PLCB1: variants seen among roughly 807,000 people sequenced by gnomAD.
PLCB1 encodes the protein phospholipase C beta 1.
PLCB1 carries 46 observed loss-of-function variants against 161.8 expected under a neutral mutation model. The ratio of observed to expected loss-of-function variants is 0.28; its 90% CI spans 0.22 to 0.36. The LOEUF (loss-of-function observed/expected upper bound fraction) is 0.36. PLCB1 is among the 10% of genes least tolerant of loss of function. The pLI is 1.00. For missense variants in PLCB1, 1,016 were observed against 1,472.5 expected, an observed-to-expected ratio of 0.69 and a Z score of 5.07; for synonymous variants, 517 against 503.7, an observed-to-expected ratio of 1.03 and a Z score of -0.35.
chr20:8,677,033 A>G (rs4387877), intron 9 of PLCB1, among the ~76,000 whole-genome samples: 95,046 of 152,044 alleles, frequency 0.63, 30,890 homozygotes, highest in African/African-American at 0.81. Context: ...TGGAAATACA[A>G]TTGAGGAAAT....
At chr20:8,250,346 C>T (rs960584953) in intron 2 of PLCB1, among the ~76,000 whole-genome samples, 1 of 151,906 alleles carries the variant, frequency 6.6e-6, no homozygotes, top group Non-Finnish European at 1.5e-5. Context: ...ACTTAATAAT[C>T]ACATAACATA....
chr20:8,691,760 T>G (rs1205943957), intron 10 of PLCB1, among the ~76,000 whole-genome samples: 1 of 152,204 alleles, frequency 6.6e-6, no homozygotes, highest in Non-Finnish European at 1.5e-5. Flanking sequence ...TTGTTGAATA[T>G]CAAGATGCCC....
intron 9 of PLCB1, among the ~76,000 whole-genome samples, chr20:8,661,504 G>T (rs1455401419): frequency 1.3e-5 from 2 of 150,282 alleles, no homozygotes; most frequent in Non-Finnish European, 1.5e-5. Flanking sequence ...CTGGCTGGCT[G>T]TATTTGTAGC....
At chr20:8,247,100 C>T (rs1980914040) in intron 2 of PLCB1, among the ~76,000 whole-genome samples, 1 of 151,928 alleles carries the variant, frequency 6.6e-6, no homozygotes, top group African/African-American at 2.4e-5. Context: ...CTCAATATTA[C>T]CACACTTCCT....
At chr20:8,867,249 T>C (rs1358750435) in intron 31 of PLCB1, among the ~76,000 whole-genome samples, 2 of 152,128 alleles carry the variant, frequency 1.3e-5, no homozygotes, top group East Asian at 3.9e-4. Flanking sequence ...ATGAGGAGAC[T>C]CTGATCCAAG....
intron 3 of PLCB1, among the ~76,000 whole-genome samples, chr20:8,438,305 G>A (rs113955966): frequency 3.9e-4 from 60 of 152,202 alleles, no homozygotes; most frequent in African/African-American, 1.3e-3. Flanking sequence ...AATATTGAGG[G>A]AAAACCAAAA....
intron 9 of PLCB1, among the ~76,000 whole-genome samples, chr20:8,666,669 T>C (rs1329620580): frequency 6.6e-6 from 1 of 152,226 alleles, no homozygotes; most frequent in African/African-American, 2.4e-5. Flanking sequence ...ACCTAGGCAC[T>C]CCAACAGGAC....
chr20:8,443,325 C>T (rs566963085), intron 3 of PLCB1, among the ~76,000 whole-genome samples: 42 of 152,258 alleles, frequency 2.8e-4, no homozygotes, highest in African/African-American at 7.9e-4. Context: ...TGGGTCCTAA[C>T]CATGGGCTCT....
At chr20:8,443,255 C>T (rs894481650) in intron 3 of PLCB1, among the ~76,000 whole-genome samples, 4 of 152,142 alleles carry the variant, frequency 2.6e-5, no homozygotes, top group African/African-American at 7.2e-5. Context: ...GCTGGGATTA[C>T]AGGCGTGAGC....
At chr20:8,726,634 CA>C (rs1264350442) in intron 16 of PLCB1, among the ~76,000 whole-genome samples, 2 of 152,026 alleles carry the variant, frequency 1.3e-5, no homozygotes, top group Non-Finnish European at 2.9e-5. Flanking sequence ...GAGAACAACA[CA>C]GGGGAACCAC....
chr20:8,807,288 C>A (rs1055197633), intron 31 of PLCB1, among the ~76,000 whole-genome samples: 1 of 152,092 alleles, frequency 6.6e-6, no homozygotes, highest in Non-Finnish European at 1.5e-5. Context: ...ACTTATAGAA[C>A]GATGGTGCAG....
At chr20:8,377,764 A>C (rs1220118730) in intron 3 of PLCB1, among the ~76,000 whole-genome samples, 2 of 152,220 alleles carry the variant, frequency 1.3e-5, no homozygotes, top group Non-Finnish European at 2.9e-5. Context: ...GAAGGAAGGA[A>C]GAGCATATTT....
intron 31 of PLCB1, chr20:8,802,000 C>G (rs1395719615): frequency 9.7e-7 from 1 of 1,036,004 alleles, no homozygotes; most frequent in African/African-American, 1.6e-5. Flanking sequence ...CACCAGATGA[C>G]TTAGAAATCA....
intron 15 of PLCB1, among the ~76,000 whole-genome samples, chr20:8,723,148 T>C (rs953947690): frequency 2.0e-5 from 3 of 152,252 alleles, no homozygotes; most frequent in Admixed American, 2.0e-4. Context: ...TCTTACTTGA[T>C]GTCCTTCCTC....
At chr20:8,361,203 A>G (rs1986530236) in intron 2 of PLCB1, among the ~76,000 whole-genome samples, 1 of 152,230 alleles carries the variant, frequency 6.6e-6, no homozygotes, top group South Asian at 2.1e-4. Context: ...TGCTGCTTTA[A>G]TCTACAGTGA....
intron 3 of PLCB1, among the ~76,000 whole-genome samples, chr20:8,524,185 A>G (rs1233583842): frequency 6.6e-6 from 1 of 152,218 alleles, no homozygotes; most frequent in East Asian, 1.9e-4. Context: ...AGTCAAAACT[A>G]TAATATTCTA....
chr20:8,761,960 G>C lies in PLCB1; in HGVS notation c.2710+1500G>C, dbSNP rs373781157. Among the ~76,000 whole-genome samples, 5 of 145,620 alleles carry C rather than the reference G, an allele frequency of 3.4e-5. No homozygotes were observed. The East Asian group carries it at 9.0e-4, about 26-fold the overall frequency. On this transcript the variant is annotated intron_variant, in intron 25 of 31. Transcript: ENST00000338037. The stretch of plus-strand genomic sequence containing the variant: ...GTGGTGGCTCACGCCTGTAATCCCA[G>C]TACCTGGGGAGGCCAAGGGGGGGGC...
At chr20:8,478,590 A>G (rs1057054839) in intron 3 of PLCB1, among the ~76,000 whole-genome samples, 4 of 152,188 alleles carry the variant, frequency 2.6e-5, no homozygotes, top group Non-Finnish European at 4.4e-5. Flanking sequence ...TATGTTTTGC[A>G]TTTTTAATTT....
chr20:8,173,462 G>C (rs578146235), intron 2 of PLCB1, among the ~76,000 whole-genome samples: 1 of 152,064 alleles, frequency 6.6e-6, no homozygotes, highest in Non-Finnish European at 1.5e-5. Context: ...TTAAACCATC[G>C]GTGGAATGAC....
Sources: allele counts gnomAD v4.1 joint callset (sites outside exome capture counted in the v4.1 genomes callset), GRCh38; gene constraint gnomAD v4.1.1; transcripts MANE v1.5; gene names NCBI Gene and HGNC (gene_info 2026-07-23, HGNC 2026-07-21).